The following DYRK1A variants were observed in gnomAD, a reference collection of about 807,000 sequenced individuals.
DYRK1A encodes the protein dual specificity tyrosine-phosphorylation-regulated kinase 1A.
In DYRK1A, 9 loss-of-function variants were observed where a neutral mutation model predicts 79.7. The observed-to-expected ratio is 0.11, with a 90% CI of 0.07 to 0.20. The LOEUF (loss-of-function observed/expected upper bound fraction) is 0.20. Ranked by LOEUF, DYRK1A falls within the 10% of genes least tolerant of loss-of-function variation. The pLI is 1.00. For synonymous variants in DYRK1A, 349 were observed against 329.7 expected (o/e 1.06, Z -0.63); for missense variants, 622 against 956.0 (o/e 0.65, Z 4.61).
At chr21:37,373,107 T>C (rs1488126561) in intron 1 of DYRK1A, among the ~76,000 whole-genome samples, 3 of 152,200 alleles carry the variant, frequency 2.0e-5, no homozygotes, top group Non-Finnish European at 4.4e-5. Context: ...GGAACCTGTA[T>C]GTTGAATCCT....
intron 1 of DYRK1A, among the ~76,000 whole-genome samples, chr21:37,401,208 A>G (rs2050046493): frequency 6.6e-6 from 1 of 152,174 alleles, no homozygotes; most frequent in Non-Finnish European, 1.5e-5. Context: ...TATATTAGGT[A>G]GTTAATTTTG....
At chr21:37,397,177 G>A (rs9982117) in intron 1 of DYRK1A, among the ~76,000 whole-genome samples, 7,607 of 152,246 alleles carry the variant, frequency 0.05, 247 homozygotes, top group Middle Eastern at 0.095. Context: ...AGCCTGGGAG[G>A]TATAACCTAG....
rs758421024 is a variant in DYRK1A at position 37,496,151 on chromosome 21, G to A, written c.1105G>A (p.Gly369Ser). The change falls in exon 9 of 12, where the codon GGT becomes AGT. Residue 369 changes from glycine (G) to serine (S), a missense_variant. This residue lies in a region of DYRK1A where 80 missense variants were observed against 116.5 expected (regional missense o/e 0.69). Transcript: ENST00000647188. The part of the protein sequence containing the change: ...DQMNKIVEVL[G>S]IPPAHILDQA... ...GATGAATAAAATAGTGGAAGTTCTG[G>A]GTATTCCACCTGCTCATATTCTTGA... The A allele has an allele frequency of 1.9e-6, 3 of 1,613,210 alleles. No homozygotes were observed. Among genetic ancestry groups the A allele is most frequent in the South Asian group, 2.2e-5 (2 of 90,762 alleles).
chr21:37,463,889 A>G (rs940447246), intron 2 of DYRK1A, among the ~76,000 whole-genome samples: 2 of 152,066 alleles, frequency 1.3e-5, no homozygotes, highest in Non-Finnish European at 2.9e-5. Context: ...ATAAGTTTCC[A>G]CATTTAGATG....
chr21:37,416,004 T>C (rs1163772898), intron 1 of DYRK1A, among the ~76,000 whole-genome samples: 1 of 152,140 alleles, frequency 6.6e-6, no homozygotes, highest in African/African-American at 2.4e-5. Flanking sequence ...CTCTGTATTT[T>C]CTCACAACTA....
chr21:37,491,529 T>G (rs909194084), intron 7 of DYRK1A, among the ~76,000 whole-genome samples: 20 of 152,220 alleles, frequency 1.3e-4, no homozygotes, highest in Admixed American at 2.0e-4. Context: ...AACAGATTAA[T>G]TTAATCATAA....
intron 2 of DYRK1A, among the ~76,000 whole-genome samples, chr21:37,468,020 A>G (rs1040342464): frequency 7.2e-5 from 11 of 152,202 alleles, no homozygotes; most frequent in Admixed American, 2.0e-4. Context: ...ATAGAGATCA[A>G]TGCAATTTCA....
chr21:37,486,418 G>C, intron 5 of DYRK1A, 49 bp from the exon 6 acceptor site: 1 of 1,349,660 alleles, frequency 7.4e-7, no homozygotes, highest in Non-Finnish European at 9.8e-7. Flanking sequence ...AAATTATTGT[G>C]AAATTTTTGC....
chr21:37,371,799 C>G (rs1440609789), intron 1 of DYRK1A, among the ~76,000 whole-genome samples: 2 of 151,900 alleles, frequency 1.3e-5, no homozygotes, highest in Non-Finnish European at 2.9e-5. Flanking sequence ...TGGGGGGGGC[C>G]CAGTGAACTG....
At chr21:37,389,520 G>T (rs1042749998) in intron 1 of DYRK1A, among the ~76,000 whole-genome samples, 20 of 151,996 alleles carry the variant, frequency 1.3e-4, no homozygotes, top group Non-Finnish European at 1.9e-4. Context: ...TGGAGGACTG[G>T]TTTTTTTTGT....
At position 37,520,935 on chromosome 21, in the gene DYRK1A, G is replaced by T. The variant is rs961125527; in HGVS notation, c.*8404G>T. The T allele has an allele frequency of 6.6e-6, 1 of 152,274 alleles. No homozygotes were observed. The highest frequency in any genetic ancestry group is 2.4e-5 in the African/African-American group (1 of 41,442). 9.4% of individuals were successfully genotyped at this position (152,274 alleles called of 1,614,324 possible). A position where few individuals can be genotyped will look rare whatever the true frequency, so the allele number is the denominator to read the frequency against. On this transcript the variant is annotated 3_prime_UTR_variant, in exon 12 of 12. Coordinates refer to ENST00000647188, the MANE Select transcript of DYRK1A (RefSeq NM_001347721.2). ...TTGCTCTTCACAGAGCGCTTACATGGGATTCTTACCTTCTGACTGGAGTGT... is the reference window on the plus strand; with the variant it reads ...TTGCTCTTCACAGAGCGCTTACATGTGATTCTTACCTTCTGACTGGAGTGT...
intron 2 of DYRK1A, among the ~76,000 whole-genome samples, chr21:37,421,533 T>A (rs2050475873): frequency 1.3e-5 from 2 of 152,156 alleles, no homozygotes; most frequent in African/African-American, 4.8e-5. Context: ...AGCAATCATC[T>A]CTGTTACGCA....
rs953812242 is a variant in DYRK1A, at chr21:37,520,364, A to G, written c.*7833A>G. On this transcript the variant is annotated 3_prime_UTR_variant, in exon 12 of 12. Coordinates refer to ENST00000647188, the MANE Select transcript of DYRK1A (RefSeq NM_001347721.2). ...GGATATTATCGGGGAAGCTTTTGAA[A>G]TGTAATAGGTTGTAACCCACATTTT... The G allele has an allele frequency of 5.3e-5, 8 of 152,214 alleles. No homozygotes were observed. The allele number at this position is 152,214 out of a possible 1,614,324, so 9.4% of individuals were successfully genotyped here.
chr21:37,461,575 C>T (rs2051838469), intron 2 of DYRK1A, among the ~76,000 whole-genome samples: 1 of 152,180 alleles, frequency 6.6e-6, no homozygotes, highest in Non-Finnish European at 1.5e-5. Flanking sequence ...CTACTGTTGA[C>T]AAATTCTTTC....
intron 1 of DYRK1A, among the ~76,000 whole-genome samples, chr21:37,412,233 A>G (rs1278097819): frequency 6.6e-6 from 1 of 152,194 alleles, no homozygotes. Context: ...CACTTTATGG[A>G]ATGTCACATT....
intron 4 of DYRK1A, 92 bp downstream of exon 4, chr21:37,478,392 C>T: frequency 9.7e-7 from 1 of 1,034,606 alleles, no homozygotes; most frequent in East Asian, 2.6e-5. Context: ...TTTTTTCATT[C>T]CTAGTAGTTG....
intron 3 of DYRK1A, among the ~76,000 whole-genome samples, chr21:37,474,294 C>T (rs2052324528): frequency 6.6e-6 from 1 of 152,170 alleles, no homozygotes; most frequent in South Asian, 2.1e-4. Flanking sequence ...TTATATCCAA[C>T]TAACGTCTTA....
At chr21:37,405,270 G>A (rs1270867985) in intron 1 of DYRK1A, among the ~76,000 whole-genome samples, 2 of 152,038 alleles carry the variant, frequency 1.3e-5, no homozygotes, top group African/African-American at 4.8e-5. Flanking sequence ...AATGACTGGG[G>A]GCTGCCATTC....
chr21:37,466,998 C>A (rs543792809), intron 2 of DYRK1A, among the ~76,000 whole-genome samples: 2 of 150,108 alleles, frequency 1.3e-5, no homozygotes, highest in Admixed American at 6.7e-5. Flanking sequence ...TAGAAAACTA[C>A]AACTTAACAG....
Sources: allele counts gnomAD v4.1 joint callset (sites outside exome capture counted in the v4.1 genomes callset), GRCh38; gene constraint gnomAD v4.1.1; regional missense constraint gnomAD v4.1.1; transcripts MANE v1.5; gene names NCBI Gene and HGNC (gene_info 2026-07-23, HGNC 2026-07-21).